PPP3CA: variants seen among roughly 807,000 people sequenced by gnomAD.
PPP3CA encodes the protein protein phosphatase 3 catalytic subunit alpha, also known as CAM-PRP catalytic subunit.
In PPP3CA, 14 loss-of-function variants were observed where a neutral mutation model predicts 66.5. The ratio of observed to expected loss-of-function variants is 0.21; its 90% CI spans 0.14 to 0.33. The LOEUF (loss-of-function observed/expected upper bound fraction) is 0.33, where lower values mean the gene tolerates loss of function less well. Among genes scored for constraint, PPP3CA ranks in the 10% least tolerant of loss-of-function variants. The pLI is 1.00. For synonymous variants in PPP3CA, 232 were observed against 226.2 expected, an observed-to-expected ratio of 1.03 and a Z score of -0.23; for missense variants, 317 against 639.5, an observed-to-expected ratio of 0.50 and a Z score of 5.44.
chr4:101,166,239 C>T (rs1174377696), intron 2 of PPP3CA, among the ~76,000 whole-genome samples: 2 of 152,178 alleles, frequency 1.3e-5, no homozygotes, highest in African/African-American at 2.4e-5. Flanking sequence ...TTTCCTTTCA[C>T]CTCAAACCAA....
intron 1 of PPP3CA, among the ~76,000 whole-genome samples, chr4:101,206,560 GTTGCAAATTTACAGGTAACAT>G (rs1485008466): frequency 3.9e-5 from 6 of 152,302 alleles, no homozygotes; most frequent in Non-Finnish European, 8.8e-5. Context: ...TATAATGCCA[GTTGCAAATTTACAGGTAACAT>G]CAAATCTCAC....
intron 1 of PPP3CA, among the ~76,000 whole-genome samples, chr4:101,237,992 A>C (rs773441052): frequency 1.3e-5 from 2 of 151,510 alleles, no homozygotes; most frequent in African/African-American, 4.9e-5. Context: ...TCAAAGTTCA[A>C]CTCCCTCTTT....
rs368898557 is a variant in PPP3CA at position 101,277,504 on chromosome 4, C to A, written c.58+69235G>T. Among the ~76,000 whole-genome samples the A allele has an allele frequency of 2.4e-3, 364 of 152,304 alleles. 4 individuals carry two copies. Among genetic ancestry groups the A allele is most frequent in the African/African-American group, 8.5e-3 (352 of 41,578 alleles). ...GAAATTGCTCTTCTATTTGCATTTA[C>A]TTATGAATATTCAGATAATATAGTA... On this transcript the variant is annotated intron_variant, in intron 1 of 13. Coordinates refer to ENST00000394854, the MANE Select transcript of PPP3CA (RefSeq NM_000944.5).
chr4:101,222,971 T>C (rs547933243), intron 1 of PPP3CA, among the ~76,000 whole-genome samples: 37 of 151,886 alleles, frequency 2.4e-4, no homozygotes, highest in Non-Finnish European at 5.3e-4. Flanking sequence ...ATGTGAAAGA[T>C]AGACATTTGG....
intron 8 of PPP3CA, among the ~76,000 whole-genome samples, chr4:101,077,296 T>C (rs1257801084): frequency 6.6e-6 from 1 of 152,250 alleles, no homozygotes; most frequent in Non-Finnish European, 1.5e-5. Context: ...GTATTACTGC[T>C]GTCTTAAGCT....
chr4:101,265,114 T>C (rs752452061), intron 1 of PPP3CA, among the ~76,000 whole-genome samples: 22 of 152,154 alleles, frequency 1.4e-4, no homozygotes, highest in Non-Finnish European at 2.9e-4. Context: ...GTTAGCCATA[T>C]GAAATAATGC....
chr4:101,295,158 G>A (rs866446234), intron 1 of PPP3CA, among the ~76,000 whole-genome samples: 5 of 150,536 alleles, frequency 3.3e-5, no homozygotes, highest in Non-Finnish European at 5.9e-5. Flanking sequence ...AAAATTAGCC[G>A]GGCGCGGTGG....
chr4:101,083,494 A>G (rs1022013127), intron 6 of PPP3CA, among the ~76,000 whole-genome samples: 3 of 145,464 alleles, frequency 2.1e-5, no homozygotes, highest in Admixed American at 2.0e-4. Context: ...AACTGGGGGA[A>G]AAAACATAAG....
Position 101,229,516 on chromosome 4 carries a change from T to A in PPP3CA, c.59-33400A>T, listed in dbSNP as rs185597290. On this transcript the variant is annotated intron_variant, in intron 1 of 13. Transcript: ENST00000394854. ...CTCTTCTCTCTAAAAGTTCTTGTAC[T>A]TTTCAAGAACTGTATTTGCTTCCTA... Among the ~76,000 whole-genome samples, 4 of 151,876 alleles carry A rather than the reference T, an allele frequency of 2.6e-5. No individual in the cohort carries two copies. In the East Asian group the frequency reaches 7.8e-4, roughly 30 times the overall value.
chr4:101,306,114 C>T (rs1728528264), intron 1 of PPP3CA, among the ~76,000 whole-genome samples: 1 of 152,062 alleles, frequency 6.6e-6, no homozygotes, highest in Admixed American at 6.5e-5. Context: ...TTCCTTAGCA[C>T]AAGAAAATTA....
At chr4:101,112,205 C>CT (rs1479419875) in intron 2 of PPP3CA, among the ~76,000 whole-genome samples, 1 of 152,030 alleles carries the variant, frequency 6.6e-6, no homozygotes, top group African/African-American at 2.4e-5. Flanking sequence ...AAAAATGTCT[C>CT]TAGACAATGC....
chr4:101,124,803 A>AAG (rs1722195240), intron 2 of PPP3CA, among the ~76,000 whole-genome samples: 1 of 143,076 alleles, frequency 7.0e-6, no homozygotes, highest in African/African-American at 2.6e-5. Context: ...AAGAAAGAGA[A>AAG]AACTGTATTG....
At chr4:101,098,572 A>T in intron 4 of PPP3CA, 60 bp from the exon 5 acceptor site, 1 of 1,502,244 alleles carries the variant, frequency 6.7e-7, no homozygotes, top group Admixed American at 2.4e-5. Flanking sequence ...TCACTGAAAT[A>T]GTTTTGGTTT....
chr4:101,108,849 T>C, intron 3 of PPP3CA, 105 bp downstream of exon 3: 1 of 1,112,898 alleles, frequency 9.0e-7, no homozygotes, highest in Admixed American at 2.2e-5. Flanking sequence ...GAATTAAATT[T>C]CATTGTTAGA....
At chr4:101,281,598 CT>C (rs1230554880) in intron 1 of PPP3CA, among the ~76,000 whole-genome samples, 6 of 152,110 alleles carry the variant, frequency 3.9e-5, no homozygotes, top group Non-Finnish European at 8.8e-5. Context: ...TTTGCCACAA[CT>C]TTCTGAAAGT....
chr4:101,176,733 A>T (rs1204331138), intron 2 of PPP3CA, among the ~76,000 whole-genome samples: 1 of 152,116 alleles, frequency 6.6e-6, no homozygotes, highest in Non-Finnish European at 1.5e-5. Flanking sequence ...AATCACAGAG[A>T]ACTGTTTATT....
chr4:101,071,655 T>C (rs537295669), intron 8 of PPP3CA, among the ~76,000 whole-genome samples: 1 of 152,344 alleles, frequency 6.6e-6, no homozygotes, highest in African/African-American at 2.4e-5. Context: ...CACTTGGCAA[T>C]GAATCTGTAT....
chr4:101,185,417 T>C (rs529990701), intron 2 of PPP3CA, among the ~76,000 whole-genome samples: 17 of 152,196 alleles, frequency 1.1e-4, no homozygotes, highest in Non-Finnish European at 2.1e-4. Flanking sequence ...CCAATATCTC[T>C]AACACAGTAC....
intron 10 of PPP3CA, among the ~76,000 whole-genome samples, chr4:101,052,740 T>C (rs1183952941): frequency 1.9e-4 from 29 of 152,062 alleles, no homozygotes; most frequent in Non-Finnish European, 2.9e-5. Flanking sequence ...ATGTCAAAAC[T>C]GGTAAACGGA....
Sources: allele counts gnomAD v4.1 joint callset (sites outside exome capture counted in the v4.1 genomes callset), GRCh38; gene constraint gnomAD v4.1.1; transcripts MANE v1.5; gene names NCBI Gene and HGNC (gene_info 2026-07-23, HGNC 2026-07-21).